The following CLDN20 variants were observed in gnomAD, a reference collection of about 807,000 sequenced individuals.
The protein encoded by CLDN20 is claudin 20.
For synonymous variants in CLDN20, 104 were observed against 103.6 expected (o/e 1.00, Z -0.03); for missense variants, 258 against 267.9 (o/e 0.96, Z 0.26).
rs570702246 is a variant in CLDN20, at chr6:155,264,729, G to A, written c.-105+441G>A. Among the ~76,000 whole-genome samples the A allele has an allele frequency of 4.6e-5, 7 of 152,258 alleles. No individual in the cohort carries two copies. The East Asian group carries it at 1.4e-3, about 29-fold the overall frequency. Reference sequence around the variant, plus strand: ...AGCAGATGTGGTAGGAAGAACTGAGGCCAAGAGAATGACAGCAAACTCAGA... The same window carrying A: ...AGCAGATGTGGTAGGAAGAACTGAGACCAAGAGAATGACAGCAAACTCAGA... On this transcript the variant is annotated intron_variant, in intron 1 of 1. Transcript: ENST00000367165.
intron 1 of CLDN20, among the ~76,000 whole-genome samples, chr6:155,269,113 G>T (rs371424105): frequency 2.0e-5 from 3 of 151,686 alleles, no homozygotes; most frequent in East Asian, 3.9e-4. Flanking sequence ...AGATTTCTGG[G>T]TTAATTTGTT....
intron 1 of CLDN20, among the ~76,000 whole-genome samples, chr6:155,265,725 TATAA>T (rs952327947): frequency 6.9e-5 from 10 of 145,700 alleles, no homozygotes; most frequent in Admixed American, 2.8e-4. Flanking sequence ...TTATATATAA[TATAA>T]ATATATATTA....
rs576564215 is a variant in CLDN20 at position 155,272,547 on chromosome 6, A to C, written c.-104-3069A>C. Among the ~76,000 whole-genome samples the C allele has an allele frequency of 7.2e-5, 11 of 152,038 alleles. No homozygotes were observed. The South Asian group carries it at 2.3e-3, about 32-fold the overall frequency. Reference sequence around the variant, plus strand: ...CACCACCACCACAGCTGCTGGAACAAAGTGTGCCTTTATTCTCTACGAGAT... The same window carrying C: ...CACCACCACCACAGCTGCTGGAACACAGTGTGCCTTTATTCTCTACGAGAT... On this transcript the variant is annotated intron_variant, in intron 1 of 1. Coordinates refer to ENST00000367165, the MANE Select transcript of CLDN20 (RefSeq NM_001001346.3).
chr6:155,269,878 AT>A (rs1483437034), intron 1 of CLDN20, among the ~76,000 whole-genome samples: 1 of 152,228 alleles, frequency 6.6e-6, no homozygotes, highest in Non-Finnish European at 1.5e-5. Flanking sequence ...GAATTCATTC[AT>A]TGGGCAAATA....
chr6:155,265,084 G>A (rs1000567928), intron 1 of CLDN20, among the ~76,000 whole-genome samples: 4 of 152,232 alleles, frequency 2.6e-5, no homozygotes, highest in African/African-American at 9.6e-5. Flanking sequence ...TGGTGTCTGT[G>A]AAGCAGCAGC....
intron 1 of CLDN20, among the ~76,000 whole-genome samples, chr6:155,274,945 G>A (rs1342140082): frequency 2.0e-5 from 3 of 152,154 alleles, no homozygotes; most frequent in African/African-American, 7.2e-5. Flanking sequence ...TGGGCGAGGC[G>A]TGGTGGCTCA....
chr6:155,264,842 A>G (rs1784548813), intron 1 of CLDN20, among the ~76,000 whole-genome samples: 1 of 152,328 alleles, frequency 6.6e-6, no homozygotes, highest in South Asian at 2.1e-4. Context: ...ATATGTATGT[A>G]TGTAAATTAC....
chr6:155,266,333 C>G lies in CLDN20; in HGVS notation c.-105+2045C>G, dbSNP rs76847708. Among the ~76,000 whole-genome samples the G allele has an allele frequency of 7.3e-3, 1,104 of 152,264 alleles. 20 individuals carry two copies. The highest frequency in any genetic ancestry group is 0.025 in the African/African-American group (1,059 of 41,536). Reference sequence around the variant, plus strand: ...AGCCTCTTGGGGCTTTTCCAAAGCCCTCGTGTGGGCAGAAATGAGAATCAC... The same window carrying G: ...AGCCTCTTGGGGCTTTTCCAAAGCCGTCGTGTGGGCAGAAATGAGAATCAC... On this transcript the variant is annotated intron_variant, in intron 1 of 1. Coordinates refer to ENST00000367165, the MANE Select transcript of CLDN20 (RefSeq NM_001001346.3).
At chr6:155,275,491 T>A in intron 1 of CLDN20, 125 bp from the exon 2 acceptor site, 1 of 496,386 alleles carries the variant, frequency 2.0e-6, no homozygotes, top group East Asian at 3.5e-5. Context: ...GCCTACAGCA[T>A]CCTCATCTGC....
chr6:155,276,175 TCC>T lies in CLDN20; in HGVS notation c.457_458del (p.Pro153ArgfsTer6). On this transcript the variant is annotated frameshift_variant, in exon 2 of 2. Coordinates refer to ENST00000367165, the MANE Select transcript of CLDN20 (RefSeq NM_001001346.3). LOFTEE classifies it low-confidence loss of function (END_TRUNC). ...TAGCAAACTTTCTGGATCTGACAGT[TCC>T]AGAAAGCAACAAACATGAACCTGGA... ...IIANFLDLTV[P>X]ESNKHEPGGA... The T allele has an allele frequency of 6.2e-7, 1 of 1,614,136 alleles. No homozygotes were observed. The highest frequency in any genetic ancestry group is 8.5e-7 in the Non-Finnish European group (1 of 1,180,024).
intron 1 of CLDN20, among the ~76,000 whole-genome samples, chr6:155,266,921 C>CT (rs1784670062): frequency 7.0e-6 from 1 of 143,826 alleles, no homozygotes; most frequent in Non-Finnish European, 1.5e-5. Flanking sequence ...AAAGCATAGT[C>CT]TGGGGTGGTG....
chr6:155,270,961 T>TA (rs1398962532), intron 1 of CLDN20, among the ~76,000 whole-genome samples: 2 of 152,148 alleles, frequency 1.3e-5, no homozygotes, highest in African/African-American at 4.8e-5. Context: ...TACAACGACT[T>TA]AGAGAGCTAA....
chr6:155,266,500 AG>A (rs1022640226), intron 1 of CLDN20, among the ~76,000 whole-genome samples: 3 of 152,144 alleles, frequency 2.0e-5, no homozygotes, highest in Admixed American at 6.5e-5. Context: ...ACAGCTCACC[AG>A]GGGGGATGAA....
rs201661997 is a variant in CLDN20 at position 155,275,979 on chromosome 6, C to T, written c.260C>T (p.Ala87Val). ...VQAARATMVL[A>V]CVLSALGICT... ...GCTGCGAGAGCCACCATGGTCCTGG[C>T]GTGTGTTCTGTCTGCTTTGGGGATC... Residue 87 changes from alanine to valine, a missense_variant, in exon 2 of 2, where the codon GCG becomes GTG. Transcript: ENST00000367165. The T allele has an allele frequency of 1.6e-4, 253 of 1,614,052 alleles. 1 individual carries two copies. Among genetic ancestry groups the T allele is most frequent in the Non-Finnish European group, 1.9e-4 (226 of 1,180,048 alleles).
chr6:155,265,709 ATATATTTATATATAATATAAATATATAT>A, intron 1 of CLDN20, among the ~76,000 whole-genome samples: 1 of 146,442 alleles, frequency 6.8e-6, no homozygotes, highest in African/African-American at 2.5e-5. Flanking sequence ...TAAATATTAA[ATATATTTATATATAATATAAATATATAT>A]TATATATAAT....
Position 155,275,980 on chromosome 6 carries a change from G to A in CLDN20, c.261G>A (p.Ala87=), listed in dbSNP as rs114329733. The change falls in exon 2 of 2, where the codon GCG becomes GCA. Residue 87 remains alanine (A), a synonymous_variant. Transcript: ENST00000367165. The stretch of plus-strand genomic sequence containing the variant: ...CTGCGAGAGCCACCATGGTCCTGGC[G>A]TGTGTTCTGTCTGCTTTGGGGATCT... ...VQAARATMVL[A]CVLSALGICT... is the part of the protein sequence containing the mutation. 2.3e-4 allele frequency: 366 copies of A among 1,614,144 alleles called. 4 individuals carry two copies. The African/African-American group carries it at 4.6e-3, about 20-fold the overall frequency.
At chr6:155,266,914 G>C (rs1341665980) in intron 1 of CLDN20, among the ~76,000 whole-genome samples, 1 of 146,840 alleles carries the variant, frequency 6.8e-6, no homozygotes, top group Admixed American at 6.8e-5. Context: ...AGACATTAAA[G>C]CATAGTCTGG....
intron 1 of CLDN20, among the ~76,000 whole-genome samples, chr6:155,268,920 G>T (rs1784788368): frequency 7.3e-6 from 1 of 136,442 alleles, no homozygotes; most frequent in Non-Finnish European, 1.5e-5. Context: ...ATCCCCCTCT[G>T]CGAGAAACAC....
chr6:155,270,708 T>C (rs1784878312), intron 1 of CLDN20, among the ~76,000 whole-genome samples: 1 of 152,176 alleles, frequency 6.6e-6, no homozygotes, highest in Non-Finnish European at 1.5e-5. Flanking sequence ...GCCGGGTCCC[T>C]CCATCTGCCA....
Sources: allele counts gnomAD v4.1 joint callset (sites outside exome capture counted in the v4.1 genomes callset), GRCh38; gene constraint gnomAD v4.1.1; transcripts MANE v1.5; gene names NCBI Gene and HGNC (gene_info 2026-07-23, HGNC 2026-07-21).